Variants in HEATR6 observed in about 807,000 individuals in gnomAD.
The protein encoded by HEATR6 is HEAT repeat containing 6, also known as HEAT repeat-containing protein 6.
In HEATR6, 106 loss-of-function variants were observed where a neutral mutation model predicts 132.8. The observed-to-expected ratio is 0.80, with a 90% confidence interval of 0.68 to 0.94. The LOEUF (loss-of-function observed/expected upper bound fraction) is 0.94. Among genes scored for constraint, HEATR6 ranks in the 40% least tolerant of loss-of-function variants. The pLI, the probability that HEATR6 is intolerant of heterozygous loss-of-function variation, is 0.00. For synonymous variants in HEATR6, 529 were observed against 537.8 expected (o/e 0.98, Z 0.23); for missense variants, 1,339 against 1,425.1 (o/e 0.94, Z 0.97).
Position 60,073,828 on chromosome 17 carries a change from T to C in HEATR6, c.386A>G (p.His129Arg). 6.2e-7 allele frequency: 1 copy of C among 1,614,058 alleles called. No homozygotes were observed. The highest frequency in any genetic ancestry group is 1.1e-5 in the South Asian group (1 of 91,086). The change falls in exon 3 of 20, where the codon CAT becomes CGT. Residue 129 changes from histidine (H) to arginine (R), a missense_variant. By Grantham distance (29) the His-to-Arg change is conservative. Transcript: ENST00000184956. ...CCTGTGTGTCCAGGAACTACACTGA[T>C]GAATAGCCGAAATAGTATATGCCAA... The part of the protein sequence containing the change: ...FLLAYTISAI[H>R]QCSSWTHREI...
intron 2 of HEATR6, 79 bp from the exon 3 acceptor site, chr17:60,073,965 A>C: frequency 6.5e-7 from 1 of 1,528,008 alleles, no homozygotes; most frequent in Non-Finnish European, 8.8e-7. Context: ...TGCTCACCTG[A>C]ATCAAGCTGT....
In HEATR6 at chr17:60,042,069, C is replaced by T. The variant is rs1906188075; in HGVS notation, c.*1494G>A. 6.6e-6 allele frequency among the ~76,000 whole-genome samples: 1 copy of T among 152,106 alleles called. No individual in the cohort carries two copies. The highest frequency in any genetic ancestry group is 2.4e-5 in the African/African-American group (1 of 41,416). ...GCATTATCAAAATATAATTGGAAAC[C>T]CCTCTTTGTAACCAACTAACCAAAT... On this transcript the variant is annotated 3_prime_UTR_variant, in exon 20 of 20. Transcript: ENST00000184956.
At chr17:60,074,373 A>C (rs2083286952) in intron 2 of HEATR6, among the ~76,000 whole-genome samples, 1 of 152,184 alleles carries the variant, frequency 6.6e-6, no homozygotes, top group Non-Finnish European at 1.5e-5. Context: ...GGCTAATCCA[A>C]GTGTCAATTT....
At chr17:60,049,881 A>G (rs1906522059) in intron 15 of HEATR6, among the ~76,000 whole-genome samples, 179 bp from the exon 16 acceptor site, 1 of 152,204 alleles carries the variant, frequency 6.6e-6, no homozygotes, top group African/African-American at 2.4e-5. Context: ...TTATCTGAGC[A>G]CCCACTTTGT....
intron 16 of HEATR6, among the ~76,000 whole-genome samples, chr17:60,049,122 AGTGTGT>A (rs531092208): frequency 1.8e-3 from 245 of 134,836 alleles, no homozygotes; most frequent in African/African-American, 6.4e-3. Flanking sequence ...AGAGACAGAG[AGTGTGT>A]GTGTGTGTGT....
intron 17 of HEATR6, 126 bp from the exon 18 acceptor site, chr17:60,047,531 T>A (rs1396502347): frequency 1.1e-5 from 5 of 443,232 alleles, no homozygotes. Flanking sequence ...TCTGCTTAGA[T>A]TATATCAAGA....
At chr17:60,048,521 A>T in intron 16 of HEATR6, 133 bp from the exon 17 acceptor site, 1 of 871,698 alleles carries the variant, frequency 1.1e-6, no homozygotes, top group Non-Finnish European at 1.6e-6. Context: ...TCATCTACTC[A>T]ATCAATTTAC....
At chr17:60,064,250 A>C (rs144612232) in intron 9 of HEATR6, 1 of 153,960 alleles carries the variant, frequency 6.5e-6, no homozygotes, top group African/African-American at 2.4e-5. Flanking sequence ...AGGTTGCAGT[A>C]AGCTGAGATC....
In HEATR6 at chr17:60,069,748, G is replaced by C. The variant is rs1438053215; in HGVS notation, c.902C>G (p.Pro301Arg). 6.2e-7 allele frequency: 1 copy of C among 1,614,048 alleles called. No homozygotes were observed. The highest frequency in any genetic ancestry group is 8.5e-7 in the Non-Finnish European group (1 of 1,179,972). Residue 301 changes from proline to arginine, a missense_variant, in exon 7 of 20, where the codon CCA becomes CGA. Coordinates refer to ENST00000184956, the MANE Select transcript of HEATR6 (RefSeq NM_022070.5). ...PQYDGRTPIK[P>R]QQSESSASRP... ...AGAAGCACTGGATTCTGATTGCTGT[G>C]GTTTGATAGGTGTTCGCCCATCATA...
At chr17:60,057,837 A>AT (rs896676503) in intron 11 of HEATR6, among the ~76,000 whole-genome samples, 36 of 147,572 alleles carry the variant, frequency 2.4e-4, no homozygotes, top group Middle Eastern at 3.5e-3. Context: ...GTCTAGACTC[A>AT]TTTTTTTTTT....
chr17:60,075,760 T>G (rs1464939934), intron 2 of HEATR6: 1 of 151,164 alleles, frequency 6.6e-6, no homozygotes, highest in Non-Finnish European at 1.5e-5. Flanking sequence ...AGAAGAATGG[T>G]GTAAACTCGG....
In HEATR6 at chr17:60,055,512, T is replaced by G. The variant is rs1906711902; in HGVS notation, c.2289+3A>C. ...AGAAAACTATGAATTGACATTTATT[T>G]ACCAAGAAGACTGGTGCTCTCTGAT... On this transcript the variant is annotated splice_donor_region_variant and intron_variant, in intron 14 of 19. Coordinates refer to ENST00000184956, the MANE Select transcript of HEATR6 (RefSeq NM_022070.5). 1 of 1,595,480 alleles carries G rather than the reference T, an allele frequency of 6.3e-7. No individual in the cohort carries two copies. The highest frequency in any genetic ancestry group is 8.6e-7 in the Non-Finnish European group (1 of 1,169,358).
In HEATR6 at chr17:60,043,756, T is replaced by C. The variant is rs770081591; in HGVS notation, c.3353A>G (p.Asp1118Gly). 1 of 1,614,054 alleles carries C rather than the reference T, an allele frequency of 6.2e-7. No individual in the cohort carries two copies. Among genetic ancestry groups the C allele is most frequent in the African/African-American group, 1.3e-5 (1 of 74,914 alleles). The change falls in exon 20 of 20, where the codon GAC becomes GGC. Residue 1118 changes from aspartate to glycine, a missense_variant. Transcript: ENST00000184956. Reference sequence around the variant, plus strand: ...CTGTGGGCTGTGGGGTGCTCCAGTGTCATCTCCCTCTGCTCCTGATTTTAA... The same window carrying C: ...CTGTGGGCTGTGGGGTGCTCCAGTGCCATCTCCCTCTGCTCCTGATTTTAA... ...QFLKSGAEGD[D>G]TGAPHSPQER...
At position 60,076,317 on chromosome 17, in the gene HEATR6, A is replaced by G. The variant is rs560250135; in HGVS notation, c.220-80T>C. The G allele has an allele frequency of 1.9e-4, 132 of 710,010 alleles. 2 individuals are homozygous for G. The South Asian group carries it at 2.2e-3, about 12-fold the overall frequency. 44.0% of individuals were successfully genotyped at this position (710,010 alleles called of 1,614,324 possible). A position where few individuals can be genotyped will look rare whatever the true frequency, so the allele number is the denominator to read the frequency against. On this transcript the variant is annotated intron_variant, in intron 1 of 19. Coordinates refer to ENST00000184956, the MANE Select transcript of HEATR6 (RefSeq NM_022070.5). ...TCAAAACACAGCCAAATGGGAAAAT[A>G]AAAGTAAATATTCACATTCAAAATG...
chr17:60,074,657 C>A (rs1240065035), intron 2 of HEATR6, among the ~76,000 whole-genome samples: 3 of 152,214 alleles, frequency 2.0e-5, no homozygotes, highest in African/African-American at 7.2e-5. Context: ...CCACCTCTCC[C>A]ATGTGAGACC....
In HEATR6 at chr17:60,070,793, T is replaced by C. The variant is rs1240963115; in HGVS notation, c.714A>G (p.Ala238=). 6.3e-7 allele frequency: 1 copy of C among 1,589,358 alleles called. No individual in the cohort carries two copies. The highest frequency in any genetic ancestry group is 1.1e-5 in the South Asian group (1 of 90,504). Reference sequence around the variant, plus strand: ...TTAGAAGTGACTGTATACCTTTTAATGCATTTTGCAATAACTAGGGGGAAA... The same window carrying C: ...TTAGAAGTGACTGTATACCTTTTAACGCATTTTGCAATAACTAGGGGGAAA... ...DITFCMLLQN[A]LKGIQSLLNG... The change falls in exon 6 of 20, where the codon GCA becomes GCG. Residue 238 remains alanine (A), a synonymous_variant. Transcript: ENST00000184956.
rs2083273314 is a variant in HEATR6, at chr17:60,072,287, G to A, written c.627C>T (p.Val209=). Residue 209 remains valine, a synonymous_variant, in exon 5 of 20, where the codon GTC becomes GTT. Transcript: ENST00000184956. ...QPYLEEPYQN[V]CFQAFLTILQ... ...AAATAGTCAGAAAAGCTTGGAAACA[G>A]ACATTTTGGTAGGGCTCCTCCAAAT... The A allele has an allele frequency of 1.2e-6, 2 of 1,611,542 alleles. No homozygotes were observed. Among genetic ancestry groups the A allele is most frequent in the Non-Finnish European group, 1.7e-6 (2 of 1,178,296 alleles).
chr17:60,069,893 A>G, intron 6 of HEATR6, 45 bp from the exon 7 acceptor site: 1 of 1,601,986 alleles, frequency 6.2e-7, no homozygotes. Context: ...CGAAACCAAA[A>G]AAACCATTAA....
At chr17:60,071,216 A>G (rs1044742032) in intron 5 of HEATR6, among the ~76,000 whole-genome samples, 7 of 152,166 alleles carry the variant, frequency 4.6e-5, no homozygotes, top group African/African-American at 1.7e-4. Flanking sequence ...ACTGCTGATA[A>G]ATTATAGAAA....
Sources: allele counts gnomAD v4.1 joint callset (sites outside exome capture counted in the v4.1 genomes callset), GRCh38; gene constraint gnomAD v4.1.1; transcripts MANE v1.5; gene names NCBI Gene and HGNC (gene_info 2026-07-23, HGNC 2026-07-21).